FSTL1: variants seen among roughly 807,000 people sequenced by gnomAD.
The protein encoded by FSTL1 is follistatin-related protein 1.
A neutral mutation model predicts 45.9 loss-of-function variants in FSTL1; 24 were observed. That is an observed-to-expected ratio of 0.52 (90% CI 0.38 to 0.74). The LOEUF (loss-of-function observed/expected upper bound fraction) is 0.74, where lower values mean the gene tolerates loss of function less well. Ranked by LOEUF, FSTL1 falls within the 30% of genes least tolerant of loss-of-function variation. The probability of loss-of-function intolerance (pLI) is 0.00; values close to 1 mark genes in which losing one functional copy is unlikely to be tolerated. For synonymous variants in FSTL1, 120 were observed against 137.6 expected, an observed-to-expected ratio of 0.87 and a Z score of 0.89; for missense variants, 340 against 381.8, an observed-to-expected ratio of 0.89 and a Z score of 0.91.
At chr3:120,404,021 ACTT>A (rs1230309028) in intron 7 of FSTL1, among the ~76,000 whole-genome samples, 1 of 150,956 alleles carries the variant, frequency 6.6e-6, no homozygotes, top group Non-Finnish European at 1.5e-5. Context: ...CAGCTCCATC[ACTT>A]CTTTCTTGGG....
chr3:120,427,187 G>C (rs73180124), intron 2 of FSTL1, among the ~76,000 whole-genome samples: 8,358 of 152,218 alleles, frequency 0.055, 352 homozygotes, highest in Non-Finnish European at 0.078. Context: ...TGTCCTTCAA[G>C]GCTTGGGTCA....
intron 2 of FSTL1, among the ~76,000 whole-genome samples, chr3:120,447,307 G>T (rs1211716018): frequency 6.6e-6 from 1 of 152,202 alleles, no homozygotes; most frequent in Non-Finnish European, 1.5e-5. Context: ...TCTCCCCAGA[G>T]AATCTAGAAA....
chr3:120,427,312 T>A (rs940401293), intron 2 of FSTL1, among the ~76,000 whole-genome samples: 3 of 152,322 alleles, frequency 2.0e-5, no homozygotes, highest in Non-Finnish European at 2.9e-5. Context: ...TTTATTTTTT[T>A]AAAAACAGAA....
At chr3:120,420,411 T>C (rs543329917) in intron 2 of FSTL1, among the ~76,000 whole-genome samples, 5 of 152,308 alleles carry the variant, frequency 3.3e-5, no homozygotes, top group East Asian at 1.9e-4. Context: ...GATATATTGA[T>C]AAAAATCAGC....
intron 2 of FSTL1, among the ~76,000 whole-genome samples, chr3:120,436,606 G>A (rs139921355): frequency 6.6e-6 from 1 of 152,346 alleles, no homozygotes; most frequent in Non-Finnish European, 1.5e-5. Context: ...GCATGTGGCT[G>A]TCAGCAAGAC....
Position 120,430,028 on chromosome 3 carries a change from A to C in FSTL1, c.64-14001T>G, listed in dbSNP as rs112359546. Among the ~76,000 whole-genome samples, 61 of 152,302 alleles carry C rather than the reference A, an allele frequency of 4.0e-4. 1 individual carries two copies. Among genetic ancestry groups the C allele is most frequent in the African/African-American group, 1.4e-3 (58 of 41,564 alleles). ...ATTCTTTAACATCTGAACTGAAAACAGTGGCACAGGGATCCTGTAGTCATG... is the reference window on the plus strand; with the variant it reads ...ATTCTTTAACATCTGAACTGAAAACCGTGGCACAGGGATCCTGTAGTCATG... On this transcript the variant is annotated intron_variant, in intron 2 of 10. Transcript: ENST00000295633.
chr3:120,423,812 T>C lies in FSTL1; in HGVS notation c.64-7785A>G, dbSNP rs529799398. 5.6e-4 allele frequency: 85 copies of C among 152,322 alleles called. 1 individual carries two copies. The highest frequency in any genetic ancestry group is 1.9e-3 in the African/African-American group (80 of 41,566). 9.4% of individuals were successfully genotyped at this position (152,322 alleles called of 1,614,324 possible). A position where few individuals can be genotyped will look rare whatever the true frequency, so the allele number is the denominator to read the frequency against. ...ATATCTTGTCACTCTTCCTAAAAAA[T>C]GTTTTTGTAAGGCTGCCACTAGTTT... On this transcript the variant is annotated intron_variant, in intron 2 of 10. Transcript: ENST00000295633.
At chr3:120,403,957 AAAAC>A in intron 7 of FSTL1, among the ~76,000 whole-genome samples, 1 of 96,518 alleles carries the variant, frequency 1.0e-5, no homozygotes, top group East Asian at 2.7e-4. Context: ...AAAACAAAAC[AAAAC>A]AAAAACAAAA....
intron 2 of FSTL1, among the ~76,000 whole-genome samples, chr3:120,442,244 A>T (rs1409664380): frequency 1.3e-5 from 2 of 152,210 alleles, no homozygotes; most frequent in Non-Finnish European, 2.9e-5. Flanking sequence ...ACTGGTAAGG[A>T]AAGTGACTTC....
At chr3:120,437,882 C>T (rs1001123111) in intron 2 of FSTL1, among the ~76,000 whole-genome samples, 14 of 152,166 alleles carry the variant, frequency 9.2e-5, no homozygotes, top group Admixed American at 9.2e-4. Context: ...TGTGTTCACC[C>T]TAACAAGTCA....
chr3:120,409,730 T>C lies in FSTL1; in HGVS notation c.332-68A>G, dbSNP rs1040129251. The C allele has an allele frequency of 6.8e-6, 10 of 1,476,390 alleles. No individual in the cohort carries two copies. The African/African-American group carries it at 1.4e-4, about 20-fold the overall frequency. The allele number at this position is 1,476,390 out of a possible 1,614,324, so 91.5% of individuals were successfully genotyped here. A position where few individuals can be genotyped will look rare whatever the true frequency, so the allele number is the denominator to read the frequency against. On this transcript the variant is annotated intron_variant, in intron 5 of 10. Transcript: ENST00000295633. Reference sequence around the variant, plus strand: ...GACCCCAGTGATATCTGGCACCCACTGTGTGGGAGCATCCGTGCCCATGGT... The same window carrying C: ...GACCCCAGTGATATCTGGCACCCACCGTGTGGGAGCATCCGTGCCCATGGT...
chr3:120,399,729 A>G (rs1266473932), intron 10 of FSTL1, among the ~76,000 whole-genome samples, 154 bp downstream of exon 10: 1 of 152,176 alleles, frequency 6.6e-6, no homozygotes, highest in African/African-American at 2.4e-5. Context: ...TCTGTATCAC[A>G]GTTTGATAGT....
intron 3 of FSTL1, among the ~76,000 whole-genome samples, chr3:120,412,819 T>TGCGC (rs67648835): frequency 7.0e-4 from 48 of 68,814 alleles, no homozygotes; most frequent in Middle Eastern, 0.017. Context: ...CACACACATG[T>TGCGC]GCGCGCGCGC....
intron 2 of FSTL1, among the ~76,000 whole-genome samples, chr3:120,444,988 G>A (rs1377989246): frequency 6.7e-6 from 1 of 149,668 alleles, no homozygotes; most frequent in Non-Finnish European, 1.5e-5. Context: ...GTTTTTTGCT[G>A]TCATAAATAA....
At chr3:120,412,767 G>C (rs1234956519) in intron 3 of FSTL1, among the ~76,000 whole-genome samples, 1 of 151,814 alleles carries the variant, frequency 6.6e-6, no homozygotes, top group African/African-American at 2.4e-5. Flanking sequence ...CCAGAGCTGA[G>C]AGCTGGGAAT....
intron 9 of FSTL1, among the ~76,000 whole-genome samples, chr3:120,400,359 C>G (rs1936797508): frequency 6.6e-6 from 1 of 152,192 alleles, no homozygotes; most frequent in Admixed American, 6.5e-5. Flanking sequence ...TCTAGTTCCA[C>G]CTTCAGAGAT....
intron 2 of FSTL1, among the ~76,000 whole-genome samples, chr3:120,429,991 G>A (rs956653970): frequency 1.3e-5 from 2 of 152,188 alleles, no homozygotes; most frequent in Non-Finnish European, 2.9e-5. Context: ...TTCCAGGAGT[G>A]CATTCTTACA....
At chr3:120,443,764 A>G (rs1424908635) in intron 2 of FSTL1, among the ~76,000 whole-genome samples, 4 of 149,964 alleles carry the variant, frequency 2.7e-5, no homozygotes, top group Non-Finnish European at 1.5e-5. Flanking sequence ...GGGGTCATAC[A>G]TTCAGACTAA....
intron 2 of FSTL1, among the ~76,000 whole-genome samples, chr3:120,450,008 T>C (rs1559747253): frequency 7.0e-6 from 1 of 142,950 alleles, no homozygotes; most frequent in Non-Finnish European, 1.6e-5. Context: ...CTCAGGAAGG[T>C]CGTTAGAGTT....
Sources: allele counts gnomAD v4.1 joint callset (sites outside exome capture counted in the v4.1 genomes callset), GRCh38; gene constraint gnomAD v4.1.1; transcripts MANE v1.5; gene names NCBI Gene and HGNC (gene_info 2026-07-23, HGNC 2026-07-21).